The following MPP3 variants were observed in gnomAD, a reference collection of about 807,000 sequenced individuals.
The protein encoded by MPP3 is MAGUK p55 scaffold protein 3, also known as MAGUK p55 subfamily member 3.
MPP3 carries 48 observed loss-of-function variants against 80.7 expected under a neutral mutation model. The observed-to-expected ratio is 0.59, with a 90% CI of 0.47 to 0.76. The LOEUF (loss-of-function observed/expected upper bound fraction) is 0.76. Among genes scored for constraint, MPP3 ranks in the 30% least tolerant of loss-of-function variants. The pLI is 0.00. For synonymous variants in MPP3, 311 were observed against 297.6 expected (o/e 1.04, Z -0.46); for missense variants, 620 against 763.0 (o/e 0.81, Z 2.21).
intron 19 of MPP3, among the ~76,000 whole-genome samples, chr17:43,804,766 C>T (rs993191021): frequency 6.6e-6 from 1 of 152,212 alleles, no homozygotes; most frequent in African/African-American, 2.4e-5. Flanking sequence ...TGGTGCCTCC[C>T]AGCACTTTGG....
Position 43,801,557 on chromosome 17 carries a change from CT to C in MPP3, c.*143del. 1.3e-6 allele frequency: 1 copy of C among 743,628 alleles called. No individual in the cohort carries two copies. 46.1% of individuals were successfully genotyped at this position (743,628 alleles called of 1,614,324 possible). A position where few individuals can be genotyped will look rare whatever the true frequency, so the allele number is the denominator to read the frequency against. ...AGACAAAAACCAACAACAAACAAGA[CT>C]TCCCACTTATACTCTTCTCGATGAT... is the stretch of plus-strand genomic sequence containing the variant. On this transcript the variant is annotated 3_prime_UTR_variant, in exon 20 of 20. Coordinates refer to ENST00000398389, the MANE Select transcript of MPP3 (RefSeq NM_001932.6).
intron 11 of MPP3, among the ~76,000 whole-genome samples, chr17:43,819,764 T>C (rs1273279847): frequency 6.7e-6 from 1 of 149,886 alleles, no homozygotes; most frequent in Non-Finnish European, 1.5e-5. Flanking sequence ...AACGATGCTA[T>C]AATATGGAAA....
intron 18 of MPP3, among the ~76,000 whole-genome samples, 159 bp downstream of exon 18, chr17:43,810,648 G>A (rs2044813092): frequency 6.6e-6 from 1 of 152,188 alleles, no homozygotes; most frequent in Non-Finnish European, 1.5e-5. Flanking sequence ...TGGGGTACAA[G>A]GCTTTCATTT....
intron 2 of MPP3, 75 bp from the exon 3 acceptor site, chr17:43,832,018 C>G: frequency 1.1e-6 from 1 of 907,894 alleles, no homozygotes; most frequent in Non-Finnish European, 1.8e-6. Context: ...TACACATCTA[C>G]TGTGTTCTCT....
At position 43,808,964 on chromosome 17, in the gene MPP3, C is replaced by A; in HGVS notation, c.1573G>T (p.Ala525Ser). ...PMSPACEDTA[A>S]PFDEQQQEMA... is the part of the protein sequence containing the mutation. ...ATCAACTTTAAACTTACAAATGGGG[C>A]TGCTGTGTCCTCACAAGCTGGGGAC... is the stretch of plus-strand genomic sequence containing the variant. The change falls in exon 19 of 20, where the codon GCC becomes TCC. Residue 525 changes from alanine to serine, a missense_variant. Physicochemically the swap from Ala to Ser is moderately conservative, Grantham distance 99 (BLOSUM62 1). Transcript: ENST00000398389. 1 of 1,597,624 alleles carries A rather than the reference C, an allele frequency of 6.3e-7. No homozygotes were observed.
chr17:43,801,617 T>G lies in MPP3; in HGVS notation c.*84A>C. The G allele has an allele frequency of 2.3e-6, 3 of 1,327,170 alleles. No individual in the cohort carries two copies. Among genetic ancestry groups the G allele is most frequent in the Non-Finnish European group, 3.2e-6 (3 of 931,978 alleles). The allele number at this position is 1,327,170 out of a possible 1,614,324, so 82.2% of individuals were successfully genotyped here. On this transcript the variant is annotated 3_prime_UTR_variant, in exon 20 of 20. Coordinates refer to ENST00000398389, the MANE Select transcript of MPP3 (RefSeq NM_001932.6). Reference sequence around the variant, plus strand: ...TGGAGAATTCTCTCCCTCTCTGCGCTTGAGATTCCTTGATGGTAAAATGAG... The same window carrying G: ...TGGAGAATTCTCTCCCTCTCTGCGCGTGAGATTCCTTGATGGTAAAATGAG...
rs373711561 is a variant in MPP3, at chr17:43,831,622, G to C, written c.81C>G (p.His27Gln). The change falls in exon 4 of 20, where the codon CAC becomes CAG. Residue 27 changes from histidine (H) to glutamine (Q), a missense_variant. Transcript: ENST00000398389. ...LTSQLRPDSN[H>Q]KEEMGFLRDV... ...CCCTCAGGAAGCCCATCTCCTCCTT[G>C]TGGTTGGAGTCAGGTCTGAGCTGGG... 314 of 1,613,888 alleles carry C rather than the reference G, an allele frequency of 1.9e-4. No individual in the cohort carries two copies. Among genetic ancestry groups the C allele is most frequent in the Non-Finnish European group, 2.5e-4 (290 of 1,179,930 alleles).
intron 11 of MPP3, among the ~76,000 whole-genome samples, chr17:43,818,647 G>A (rs1051024292): frequency 1.1e-4 from 17 of 152,250 alleles, no homozygotes; most frequent in Admixed American, 3.3e-4. Context: ...CTGAAGGGCC[G>A]GGCGTGGTGG....
At chr17:43,823,637 G>A (rs1178737120) in intron 10 of MPP3, among the ~76,000 whole-genome samples, 1 of 152,186 alleles carries the variant, frequency 6.6e-6, no homozygotes, top group Non-Finnish European at 1.5e-5. Flanking sequence ...TCAGAATTCA[G>A]CACACTTGGT....
intron 8 of MPP3, among the ~76,000 whole-genome samples, chr17:43,826,382 C>G (rs1213227113): frequency 1.3e-5 from 2 of 152,232 alleles, no homozygotes; most frequent in African/African-American, 2.4e-5. Context: ...GCATCAGCAT[C>G]ACCTGGAGGC....
intron 13 of MPP3, 73 bp downstream of exon 13, chr17:43,816,604 G>C (rs1030954805): frequency 1.4e-6 from 2 of 1,385,730 alleles, no homozygotes; most frequent in Non-Finnish European, 2.0e-6. Flanking sequence ...GAAAGAACAC[G>C]AGCCCCTCAG....
rs1432444152 is a variant in MPP3 at position 43,831,663 on chromosome 17, G to C, written c.40C>G (p.Leu14Val). 1 of 1,611,844 alleles carries C rather than the reference G, an allele frequency of 6.2e-7. No individual in the cohort carries two copies. Among genetic ancestry groups the C allele is most frequent in the Non-Finnish European group, 8.5e-7 (1 of 1,178,504 alleles). Reference protein sequence around the residue: ...LSEDSGLHETLALLTSQLRPD... With the variant: ...LSEDSGLHETVALLTSQLRPD... Reference sequence around the variant, plus strand: ...CTGAGCTGGGAGGTCAGCAGGGCCAGGGTTTCATGCAAACCTGGGGAGAGG... The same window carrying C: ...CTGAGCTGGGAGGTCAGCAGGGCCACGGTTTCATGCAAACCTGGGGAGAGG... The change falls in exon 4 of 20, where the codon CTG (leucine) becomes GTG (valine). Residue 14 changes from leucine (L) to valine (V), a missense_variant. Leu to Val is a conservative substitution (Grantham distance 32, BLOSUM62 1). Coordinates refer to ENST00000398389, the MANE Select transcript of MPP3 (RefSeq NM_001932.6).
chr17:43,816,735 T>A, intron 12 of MPP3, 38 bp from the exon 13 acceptor site: 1 of 1,562,958 alleles, frequency 6.4e-7, no homozygotes, highest in Non-Finnish European at 8.7e-7. Context: ...ACAGCATTAG[T>A]GGAGGGAAGC....
intron 16 of MPP3, 97 bp downstream of exon 16, chr17:43,813,914 C>T: frequency 9.5e-7 from 1 of 1,054,022 alleles, no homozygotes; most frequent in Non-Finnish European, 1.4e-6. Flanking sequence ...ATCCTTTAAA[C>T]CCAAAGTAAG....
In MPP3 at chr17:43,813,994, C is replaced by T; in HGVS notation, c.1255+17G>A. ...GTGTGTGCAGACAAACACACACTCC[C>T]ACATGGGCCCTCTTACGTGGAACAG... On this transcript the variant is annotated intron_variant, in intron 16 of 19. Transcript: ENST00000398389. 1.3e-6 allele frequency: 2 copies of T among 1,598,020 alleles called. No individual in the cohort carries two copies. Among genetic ancestry groups the T allele is most frequent in the Non-Finnish European group, 1.7e-6 (2 of 1,168,504 alleles).
chr17:43,829,783 G>A lies in MPP3; in HGVS notation c.312C>T (p.Leu104=). ...TCTGGGCAACCGTGTCATGTACCAT[G>A]AGCACAGCCTGCCGGGAAAGCCAGA... is the stretch of plus-strand genomic sequence containing the variant. ...LLSTPHLRAV[L]MVHDTVAQKN... Residue 104 remains leucine, a synonymous_variant, in exon 7 of 20, where the codon CTC becomes CTT. Transcript: ENST00000398389. 6.2e-7 allele frequency: 1 copy of A among 1,613,676 alleles called. No individual in the cohort carries two copies. Among genetic ancestry groups the A allele is most frequent in the Non-Finnish European group, 8.5e-7 (1 of 1,179,990 alleles).
chr17:43,824,191 G>A (rs2045590960), intron 9 of MPP3, among the ~76,000 whole-genome samples, 186 bp from the exon 10 acceptor site: 2 of 152,188 alleles, frequency 1.3e-5, no homozygotes, highest in South Asian at 4.1e-4. Flanking sequence ...CCAAGTAACT[G>A]TACATTTTTG....
intron 18 of MPP3, among the ~76,000 whole-genome samples, chr17:43,810,137 C>A (rs1298638376): frequency 6.6e-6 from 1 of 152,064 alleles, no homozygotes; most frequent in Non-Finnish European, 1.5e-5. Context: ...AAGCAAACTT[C>A]TTTAAAATAA....
At chr17:43,814,482 C>T (rs1378899254) in intron 14 of MPP3, 121 bp from the exon 15 acceptor site, 2 of 915,692 alleles carry the variant, frequency 2.2e-6, no homozygotes, top group African/African-American at 3.3e-5. Flanking sequence ...TGACTTCTCC[C>T]AACCTCCTCC....
Sources: gnomAD v4.1 joint callset for allele counts (sites outside exome capture counted in the v4.1 genomes callset) on GRCh38, gnomAD v4.1.1 for gene constraint, MANE v1.5 for transcripts, NCBI Gene and HGNC (gene_info 2026-07-23, HGNC 2026-07-21) for gene names.